Variants in PHACTR1 observed in about 807,000 individuals in gnomAD.
PHACTR1 encodes the protein phosphatase and actin regulator 1, also known as RPEL repeat containing 1.
Under a neutral mutation model 69.2 loss-of-function variants are expected in PHACTR1, and 16 were observed. The ratio of observed to expected loss-of-function variants is 0.23; its 90% CI spans 0.16 to 0.35. The LOEUF (loss-of-function observed/expected upper bound fraction) is 0.35, where lower values mean the gene tolerates loss of function less well. PHACTR1 is among the 10% of genes least tolerant of loss of function. The pLI, the probability that PHACTR1 is intolerant of heterozygous loss-of-function variation, is 1.00. For missense variants in PHACTR1, 510 were observed against 734.7 expected (o/e 0.69, Z 3.54); for synonymous variants, 312 against 284.5 (o/e 1.10, Z -0.97).
chr6:13,197,391 A>G (rs576569537), intron 7 of PHACTR1, among the ~76,000 whole-genome samples: 5 of 152,162 alleles, frequency 3.3e-5, no homozygotes, highest in East Asian at 3.9e-4. Context: ...TTATTAATCT[A>G]TTTACTTCTC....
chr6:13,219,058 A>G (rs1030835367), intron 8 of PHACTR1, among the ~76,000 whole-genome samples: 1 of 152,162 alleles, frequency 6.6e-6, no homozygotes, highest in Non-Finnish European at 1.5e-5. Flanking sequence ...CTTGGTGGGA[A>G]CAAGACCAAG....
At chr6:13,093,504 A>G (rs1454342926) in intron 5 of PHACTR1, among the ~76,000 whole-genome samples, 1 of 152,160 alleles carries the variant, frequency 6.6e-6, no homozygotes, top group Non-Finnish European at 1.5e-5. Flanking sequence ...ATGCTACTCT[A>G]ACACTGGGTC....
At chr6:13,073,500 CG>C (rs1396741930) in intron 5 of PHACTR1, among the ~76,000 whole-genome samples, 1 of 151,712 alleles carries the variant, frequency 6.6e-6, no homozygotes, top group African/African-American at 2.4e-5. Context: ...CATGCCACCA[CG>C]CCTGGCCAAT....
intron 4 of PHACTR1, among the ~76,000 whole-genome samples, chr6:12,958,590 C>G (rs1792211465): frequency 6.6e-6 from 1 of 152,160 alleles, no homozygotes; most frequent in South Asian, 2.1e-4. Flanking sequence ...ACAGCTCACT[C>G]AGCATGAATA....
At chr6:12,867,089 GA>G (rs1001708789) in intron 4 of PHACTR1, among the ~76,000 whole-genome samples, 2 of 151,812 alleles carry the variant, frequency 1.3e-5, no homozygotes, top group East Asian at 1.9e-4. Flanking sequence ...CTGGTGAAAG[GA>G]AAAAAAATCA....
intron 7 of PHACTR1, among the ~76,000 whole-genome samples, chr6:13,199,492 T>C (rs185640890): frequency 6.3e-4 from 95 of 149,822 alleles, no homozygotes; most frequent in African/African-American, 2.0e-3. Flanking sequence ...ACTATAAAAA[T>C]GTAATCGCCT....
intron 10 of PHACTR1, among the ~76,000 whole-genome samples, chr6:13,263,278 A>G (rs1455125176): frequency 6.7e-6 from 1 of 149,482 alleles, no homozygotes; most frequent in African/African-American, 2.5e-5. Flanking sequence ...TTCCATGCAA[A>G]AAGAAAACTT....
intron 5 of PHACTR1, among the ~76,000 whole-genome samples, chr6:13,069,000 G>C (rs1479720914): frequency 6.6e-6 from 1 of 152,154 alleles, no homozygotes; most frequent in Non-Finnish European, 1.5e-5. Flanking sequence ...CCTGAGCTAA[G>C]CAAAGCAGGG....
At chr6:12,982,961 C>T (rs1795700066) in intron 4 of PHACTR1, among the ~76,000 whole-genome samples, 1 of 152,162 alleles carries the variant, frequency 6.6e-6, no homozygotes, top group Non-Finnish European at 1.5e-5. Context: ...ATCATTAAGG[C>T]TAAGACCCCT....
intron 5 of PHACTR1, among the ~76,000 whole-genome samples, chr6:13,118,183 C>T (rs955400962): frequency 6.6e-6 from 1 of 152,238 alleles, no homozygotes; most frequent in Non-Finnish European, 1.5e-5. Flanking sequence ...GCTTCCTCCA[C>T]CGTTCCTGCC....
intron 10 of PHACTR1, among the ~76,000 whole-genome samples, chr6:13,253,787 G>A (rs1774819808): frequency 1.3e-5 from 2 of 152,212 alleles, no homozygotes; most frequent in South Asian, 4.1e-4. Context: ...TCAGCTGCAT[G>A]GACGTGGACA....
chr6:12,909,801 C>A (rs1476195408), intron 4 of PHACTR1, among the ~76,000 whole-genome samples: 5 of 152,180 alleles, frequency 3.3e-5, no homozygotes, highest in Non-Finnish European at 7.3e-5. Flanking sequence ...GGACCTCCCC[C>A]ATGAATATTT....
At chr6:12,984,236 A>C (rs575924292) in intron 4 of PHACTR1, among the ~76,000 whole-genome samples, 5 of 152,342 alleles carry the variant, frequency 3.3e-5, no homozygotes, top group Admixed American at 2.0e-4. Context: ...AATGATCGCC[A>C]TTCTAACTGG....
At chr6:13,131,064 T>TC (rs1172450980) in intron 5 of PHACTR1, among the ~76,000 whole-genome samples, 1 of 151,986 alleles carries the variant, frequency 6.6e-6, no homozygotes, top group Non-Finnish European at 1.5e-5. Context: ...AATCATGTGA[T>TC]CATCTCAATA....
chr6:12,769,630 G>A (rs1021542197), intron 4 of PHACTR1, among the ~76,000 whole-genome samples: 8 of 152,206 alleles, frequency 5.3e-5, no homozygotes, highest in East Asian at 1.9e-4. Context: ...GTCTTAGAAC[G>A]GTCGTGGGTA....
intron 4 of PHACTR1, among the ~76,000 whole-genome samples, chr6:12,834,046 T>C (rs1777882331): frequency 6.6e-6 from 1 of 152,150 alleles, no homozygotes; most frequent in Non-Finnish European, 1.5e-5. Context: ...CTATGGTCAC[T>C]CTTGGCTCTG....
intron 5 of PHACTR1, among the ~76,000 whole-genome samples, chr6:13,086,638 G>A (rs774537983): frequency 2.6e-5 from 4 of 152,076 alleles, no homozygotes; most frequent in Non-Finnish European, 5.9e-5. Flanking sequence ...GTTATGGTGT[G>A]TATCTGTCGT....
chr6:13,055,004 T>G (rs1806554125), intron 5 of PHACTR1, among the ~76,000 whole-genome samples: 1 of 152,196 alleles, frequency 6.6e-6, no homozygotes, highest in Non-Finnish European at 1.5e-5. Context: ...GGAGATGTGC[T>G]TCTTGTACCT....
intron 4 of PHACTR1, among the ~76,000 whole-genome samples, chr6:13,031,605 ATGACTTTTTAGG>A (rs754498512): frequency 7.5e-6 from 1 of 133,822 alleles, no homozygotes. Flanking sequence ...CTGGGAAGGG[ATGACTTTTTAGG>A]TGCATGAGGG....
Sources: allele counts gnomAD v4.1 joint callset (sites outside exome capture counted in the v4.1 genomes callset), GRCh38; gene constraint gnomAD v4.1.1; transcripts MANE v1.5; gene names NCBI Gene and HGNC (gene_info 2026-07-23, HGNC 2026-07-21).